The following CDC42BPA variants were observed in gnomAD, a reference collection of about 807,000 sequenced individuals.
CDC42BPA encodes CDC42 binding protein kinase alpha, also known as serine/threonine-protein kinase MRCK alpha.
CDC42BPA carries 80 observed loss-of-function variants against 223.5 expected under a neutral mutation model. The ratio of observed to expected loss-of-function variants is 0.36; its 90% CI spans 0.30 to 0.43. The LOEUF (loss-of-function observed/expected upper bound fraction) is 0.43. CDC42BPA is among the 20% of genes least tolerant of loss of function. The pLI is 1.00. For synonymous variants in CDC42BPA, 694 were observed against 718.6 expected (o/e 0.97, Z 0.55); for missense variants, 1,743 against 2,099.9 (o/e 0.83, Z 3.32).
intron 3 of CDC42BPA, among the ~76,000 whole-genome samples, chr1:227,207,232 T>A (rs896812649): frequency 6.6e-6 from 1 of 151,384 alleles, no homozygotes; most frequent in African/African-American, 2.4e-5. Flanking sequence ...GGTTTCCAGT[T>A]TCATCCATGT....
intron 1 of CDC42BPA, among the ~76,000 whole-genome samples, chr1:227,301,406 C>T (rs760641405): frequency 1.6e-3 from 240 of 150,370 alleles, no homozygotes; most frequent in Non-Finnish European, 2.3e-3. Flanking sequence ...TGTCGCCAAG[C>T]TAGAGTGCGG....
At chr1:227,212,009 A>G (rs987649211) in intron 3 of CDC42BPA, among the ~76,000 whole-genome samples, 1 of 152,106 alleles carries the variant, frequency 6.6e-6, no homozygotes, top group African/African-American at 2.4e-5. Context: ...GTGAAAGAAC[A>G]CTTTGGCTTT....
Position 227,074,253 on chromosome 1 carries a change from G to GC in CDC42BPA, c.2586+5dup. 6.3e-7 allele frequency: 1 copy of GC among 1,599,004 alleles called. No individual in the cohort carries two copies. Among genetic ancestry groups the GC allele is most frequent in the Non-Finnish European group, 8.6e-7 (1 of 1,167,610 alleles). On this transcript the variant is annotated splice_donor_region_variant and intron_variant, in intron 18 of 36. Coordinates refer to ENST00000366766, the MANE Select transcript of CDC42BPA (RefSeq NM_001394014.1). ...TAAGCCTCCATGCAAAATCATAGAA[G>GC]CTTACTGTTGCTCGTGTACCCAAGC...
chr1:227,030,548 T>G, intron 28 of CDC42BPA, 78 bp from the exon 29 acceptor site: 1 of 845,080 alleles, frequency 1.2e-6, no homozygotes, highest in South Asian at 1.6e-5. Flanking sequence ...GATAAGAACA[T>G]TTGGTGCAAA....
chr1:227,273,995 CAAAAAAAA>C (rs10599884), intron 1 of CDC42BPA, among the ~76,000 whole-genome samples: 2,578 of 57,064 alleles, frequency 0.045, 125 homozygotes, highest in African/African-American at 0.15. Flanking sequence ...TCGTATACAC[CAAAAAAAA>C]AAAAAAAAAA....
At chr1:227,284,768 C>G (rs1688545591) in intron 1 of CDC42BPA, among the ~76,000 whole-genome samples, 1 of 152,006 alleles carries the variant, frequency 6.6e-6, no homozygotes, top group Admixed American at 6.6e-5. Context: ...CGAGACCAGC[C>G]TGGGCAACAT....
chr1:227,239,943 T>C (rs2718197), intron 2 of CDC42BPA, among the ~76,000 whole-genome samples: 14,875 of 151,940 alleles, frequency 0.098, 1,158 homozygotes, highest in East Asian at 0.36. Flanking sequence ...GACAAAGAAA[T>C]AGAAAGTCTA....
rs760063450 is a variant in CDC42BPA at position 227,016,231 on chromosome 1, CCA to C, written c.4740-36_4740-35del. The C allele has an allele frequency of 1.2e-5, 14 of 1,134,224 alleles. No individual in the cohort carries two copies. In the East Asian group the frequency reaches 2.3e-4, roughly 19 times the overall value. The allele number at this position is 1,134,224 out of a possible 1,614,324, so 70.3% of individuals were successfully genotyped here. A position where few individuals can be genotyped will look rare whatever the true frequency, so the allele number is the denominator to read the frequency against. ...CAAGGCATCTGTTTAGATACTTTTT[CCA>C]CAGTTAATTTATGTAGCTTATGAAA... is the stretch of plus-strand genomic sequence containing the variant. On this transcript the variant is annotated intron_variant, in intron 33 of 36. Coordinates refer to ENST00000366766, the MANE Select transcript of CDC42BPA (RefSeq NM_001394014.1).
rs759681828 is a variant in CDC42BPA, at chr1:227,034,768, T to C, written c.3363A>G (p.Lys1121=). The C allele has an allele frequency of 1.2e-6, 2 of 1,610,906 alleles. No homozygotes were observed. Among genetic ancestry groups the C allele is most frequent in the Non-Finnish European group, 1.7e-6 (2 of 1,178,528 alleles). The change falls in exon 26 of 37, where the codon AAA becomes AAG. Residue 1121 remains lysine, a synonymous_variant. Coordinates refer to ENST00000366766, the MANE Select transcript of CDC42BPA (RefSeq NM_001394014.1). ...CTATAGCCAGTGCTCTCTGCCACCC[T>C]TTCTTCACTCCAGCTGGCTTAGGAA... ...VRIPKPAGVK[K]GWQRALAIVC... is the part of the protein sequence containing the mutation.
chr1:227,140,515 C>T (rs780213369), intron 9 of CDC42BPA, among the ~76,000 whole-genome samples: 5 of 151,850 alleles, frequency 3.3e-5, no homozygotes, highest in Non-Finnish European at 5.9e-5. Flanking sequence ...ACTAAAGCCC[C>T]GAGACAAGAG....
At chr1:227,209,427 C>CT (rs1673457279) in intron 3 of CDC42BPA, among the ~76,000 whole-genome samples, 2 of 142,100 alleles carry the variant, frequency 1.4e-5, no homozygotes, top group African/African-American at 5.4e-5. Flanking sequence ...GCATCCCTGT[C>CT]TTGTGCCAGT....
At chr1:227,091,625 T>TA (rs11427392) in intron 16 of CDC42BPA, among the ~76,000 whole-genome samples, 126,196 of 152,056 alleles carry the variant, frequency 0.83, 52,418 homozygotes, top group East Asian at 0.88. Flanking sequence ...AATGGACTAA[T>TA]TGGATGGAGA....
At chr1:227,162,260 T>C (rs902333738) in intron 5 of CDC42BPA, among the ~76,000 whole-genome samples, 2 of 151,888 alleles carry the variant, frequency 1.3e-5, no homozygotes, top group Non-Finnish European at 2.9e-5. Context: ...CATAATACTA[T>C]ATAAATAAAA....
chr1:227,108,333 C>T (rs1381125835), intron 14 of CDC42BPA, among the ~76,000 whole-genome samples: 1 of 151,682 alleles, frequency 6.6e-6, no homozygotes, highest in East Asian at 1.9e-4. Context: ...TTCTAATTTC[C>T]CTGGTGATTT....
intron 21 of CDC42BPA, among the ~76,000 whole-genome samples, chr1:227,057,656 G>A (rs1674870216): frequency 6.6e-6 from 1 of 152,088 alleles, no homozygotes; most frequent in Non-Finnish European, 1.5e-5. Context: ...AAAAATTGAA[G>A]GAGGCCAGGA....
chr1:226,994,264 C>T lies in CDC42BPA; in HGVS notation c.*4G>A. On this transcript the variant is annotated 3_prime_UTR_variant, in exon 37 of 37. Coordinates refer to ENST00000366766, the MANE Select transcript of CDC42BPA (RefSeq NM_001394014.1). The surrounding 1 kb of genome is among the most constrained non-coding windows in gnomAD (Gnocchi z 4.0). The stretch of plus-strand genomic sequence containing the variant: ...AGAGCGAGAGGTCCCAGTGCTGAGG[C>T]AGCTCACGGGTCCCAGCTCCCGCGG... 6.4e-7 allele frequency: 1 copy of T among 1,572,648 alleles called. No homozygotes were observed. Among genetic ancestry groups the T allele is most frequent in the Non-Finnish European group, 8.6e-7 (1 of 1,157,078 alleles).
chr1:227,195,721 A>T (rs965748677), intron 4 of CDC42BPA, among the ~76,000 whole-genome samples: 1 of 151,944 alleles, frequency 6.6e-6, no homozygotes, highest in African/African-American at 2.4e-5. Flanking sequence ...TATTGTTCTG[A>T]TTGGTTAATT....
At chr1:227,136,332 T>C (rs927287977) in intron 10 of CDC42BPA, among the ~76,000 whole-genome samples, 1 of 151,778 alleles carries the variant, frequency 6.6e-6, no homozygotes, top group African/African-American at 2.4e-5. Flanking sequence ...CAATAGAAAA[T>C]ATCTTAATGA....
At chr1:227,151,081 A>C (rs1661664298) in intron 6 of CDC42BPA, among the ~76,000 whole-genome samples, 1 of 152,122 alleles carries the variant, frequency 6.6e-6, no homozygotes, top group Non-Finnish European at 1.5e-5. Flanking sequence ...ACTGTTGTGC[A>C]ACCAGTCCCC....
Sources: allele counts gnomAD v4.1 joint callset (sites outside exome capture counted in the v4.1 genomes callset), GRCh38; gene constraint gnomAD v4.1.1; non-coding constraint Gnocchi (gnomAD v3.1); transcripts MANE v1.5; gene names NCBI Gene and HGNC (gene_info 2026-07-23, HGNC 2026-07-21).